Variants in DCDC1 observed in about 807,000 individuals in gnomAD.
DCDC1 encodes the protein doublecortin domain-containing protein 1.
A neutral mutation model predicts 178.3 loss-of-function variants in DCDC1; 200 were observed. The ratio of observed to expected loss-of-function variants is 1.12; its 90% confidence interval spans 1.00 to 1.26. DCDC1 has a LOEUF of 1.26. Ranked by LOEUF, DCDC1 falls within the 50% of genes most tolerant of loss-of-function variation. The pLI, the probability that DCDC1 is intolerant of heterozygous loss-of-function variation, is 0.00. For synonymous variants in DCDC1, 690 were observed against 604.8 expected (o/e 1.14, Z -2.07); for missense variants, 1,983 against 1,749.2 (o/e 1.13, Z -2.38).
chr11:31,241,645 C>T, intron 8 of DCDC1, 29 bp from the exon 9 acceptor site: 1 of 396,324 alleles, frequency 2.5e-6, no homozygotes, highest in Non-Finnish European at 4.5e-6. Flanking sequence ...GAAAAAAATT[C>T]TTTTGACCCA....
chr11:30,998,518 G>C, intron 20 of DCDC1, among the ~76,000 whole-genome samples: 1 of 137,788 alleles, frequency 7.3e-6, no homozygotes, highest in East Asian at 2.0e-4. Context: ...AAGAATGAAA[G>C]AATGGATATA....
chr11:31,267,175 A>G (rs1945217611), intron 7 of DCDC1, among the ~76,000 whole-genome samples: 1 of 150,928 alleles, frequency 6.6e-6, no homozygotes, highest in Non-Finnish European at 1.5e-5. Flanking sequence ...GCTCATTATT[A>G]GGAATAATGT....
chr11:31,309,235 CTGT>C (rs959069336), intron 3 of DCDC1, among the ~76,000 whole-genome samples: 1 of 151,916 alleles, frequency 6.6e-6, no homozygotes, highest in Non-Finnish European at 1.5e-5. Flanking sequence ...TTGTATTCTG[CTGT>C]TGTTGTTATC....
intron 17 of DCDC1, among the ~76,000 whole-genome samples, chr11:31,081,627 A>T (rs1482780932): frequency 6.6e-6 from 1 of 152,150 alleles, no homozygotes; most frequent in African/African-American, 2.4e-5. Context: ...AAAAGAAAAG[A>T]AAAGAAAAGA....
chr11:31,326,821 T>G (rs1949673051), intron 3 of DCDC1, among the ~76,000 whole-genome samples: 1 of 152,196 alleles, frequency 6.6e-6, no homozygotes, highest in Non-Finnish European at 1.5e-5. Context: ...AATCTTTAAT[T>G]TATGAATAAT....
chr11:30,944,975 T>TA (rs1254332318), intron 21 of DCDC1, among the ~76,000 whole-genome samples: 3 of 138,858 alleles, frequency 2.2e-5, no homozygotes, highest in African/African-American at 8.2e-5. Context: ...TTTTTTTTTT[T>TA]TTTTTTTTTT....
chr11:30,875,066 C>T, intron 38 of DCDC1, among the ~76,000 whole-genome samples: 1 of 152,258 alleles, frequency 6.6e-6, no homozygotes, highest in African/African-American at 2.4e-5. Context: ...TACAGGGTGA[C>T]AGCCTTGATA....
chr11:30,901,492 A>G (rs1261819367), intron 32 of DCDC1, among the ~76,000 whole-genome samples: 3 of 152,166 alleles, frequency 2.0e-5, no homozygotes, highest in African/African-American at 4.8e-5. Context: ...AGTAAGCACT[A>G]TGTTGAATTC....
At chr11:31,134,812 T>C (rs1296375975) in intron 10 of DCDC1, among the ~76,000 whole-genome samples, 1 of 152,096 alleles carries the variant, frequency 6.6e-6, no homozygotes, top group Admixed American at 6.6e-5. Flanking sequence ...CTGGGCAACA[T>C]AGCAAGACCC....
chr11:31,157,637 A>G (rs926887063), intron 9 of DCDC1, among the ~76,000 whole-genome samples: 11 of 152,160 alleles, frequency 7.2e-5, no homozygotes, highest in African/African-American at 2.6e-4. Context: ...AGAGTAATCA[A>G]ATTCATAAAA....
rs77991263 is a variant in DCDC1 at position 31,188,214 on chromosome 11, C to T, written c.1222-50430G>A. ...GCAGAAATGAAGAGGTTTAACAAGT[C>T]ATGCCTACAACAACAGAGATAGTAA... On this transcript the variant is annotated intron_variant, in intron 9 of 38. Transcript: ENST00000684477. Among the ~76,000 whole-genome samples the T allele has an allele frequency of 8.5e-4, 130 of 152,204 alleles. 1 individual carries two copies. The East Asian group carries it at 0.022, about 25-fold the overall frequency.
At chr11:31,086,741 C>T (rs1957503568) in intron 17 of DCDC1, among the ~76,000 whole-genome samples, 1 of 152,068 alleles carries the variant, frequency 6.6e-6, no homozygotes, top group Admixed American at 6.6e-5. Context: ...TCTTGCACTC[C>T]TGGGATAAAC....
intron 7 of DCDC1, among the ~76,000 whole-genome samples, chr11:31,269,454 C>G (rs1177537062): frequency 6.6e-6 from 1 of 151,800 alleles, no homozygotes; most frequent in Non-Finnish European, 1.5e-5. Flanking sequence ...ATGATCACAC[C>G]TCATTGCATC....
intron 8 of DCDC1, among the ~76,000 whole-genome samples, chr11:31,252,258 C>T (rs961639604): frequency 4.6e-5 from 7 of 151,926 alleles, no homozygotes; most frequent in Non-Finnish European, 5.9e-5. Flanking sequence ...TTTAAATTCC[C>T]GGGTGACAGA....
chr11:31,165,289 A>G (rs1966671266), intron 9 of DCDC1, among the ~76,000 whole-genome samples: 2 of 152,110 alleles, frequency 1.3e-5, no homozygotes, highest in Non-Finnish European at 1.5e-5. Context: ...TGCATTTCTC[A>G]TATTATACAT....
At chr11:31,017,416 T>C (rs528957241) in intron 20 of DCDC1, among the ~76,000 whole-genome samples, 1 of 152,330 alleles carries the variant, frequency 6.6e-6, no homozygotes, top group South Asian at 2.1e-4. Context: ...TTTCTTTAGC[T>C]TATTTTATTG....
chr11:31,358,742 G>A (rs1394680707), intron 1 of DCDC1, among the ~76,000 whole-genome samples: 7 of 151,732 alleles, frequency 4.6e-5, no homozygotes, highest in Admixed American at 4.6e-4. Context: ...AAATTTACAA[G>A]AAAAAAACAA....
intron 10 of DCDC1, among the ~76,000 whole-genome samples, chr11:31,131,411 A>T (rs2135958862): frequency 6.6e-6 from 1 of 152,254 alleles, no homozygotes; most frequent in Admixed American, 6.5e-5. Context: ...TGCTTTCCAT[A>T]GTACTGTTAA....
intron 38 of DCDC1, among the ~76,000 whole-genome samples, chr11:30,871,584 C>A (rs1941565030): frequency 6.6e-6 from 1 of 152,098 alleles, no homozygotes; most frequent in Non-Finnish European, 1.5e-5. Flanking sequence ...CTCTATCTAT[C>A]TTTTTATATA....
Sources: gnomAD v4.1 joint callset for allele counts (sites outside exome capture counted in the v4.1 genomes callset) on GRCh38, gnomAD v4.1.1 for gene constraint, MANE v1.5 for transcripts, NCBI Gene and HGNC (gene_info 2026-07-23, HGNC 2026-07-21) for gene names.